Variants in BPTF observed in about 807,000 individuals in gnomAD.
BPTF encodes the protein bromodomain PHD finger transcription factor, also known as nucleosome-remodeling factor subunit BPTF.
BPTF carries 18 observed loss-of-function variants against 292.5 expected under a neutral mutation model. The observed-to-expected ratio is 0.06, with a 90% CI of 0.04 to 0.09. The LOEUF (loss-of-function observed/expected upper bound fraction) is 0.09. Among genes scored for constraint, BPTF ranks in the 10% least tolerant of loss-of-function variants. BPTF has a pLI of 1.00. For missense variants in BPTF, 2,726 were observed against 3,498.7 expected (o/e 0.78, Z 5.57); for synonymous variants, 1,225 against 1,251.9 (o/e 0.98, Z 0.45).
chr17:67,972,415 T>C (rs2068864377), intron 26 of BPTF, among the ~76,000 whole-genome samples: 1 of 152,076 alleles, frequency 6.6e-6, no homozygotes, highest in Non-Finnish European at 1.5e-5. Flanking sequence ...AATTTCTGTA[T>C]TTTTAGTAGA....
At chr17:67,826,416 A>G (rs2056040624) in intron 1 of BPTF, 79 bp downstream of exon 1, 6 of 1,394,902 alleles carry the variant, frequency 4.3e-6, no homozygotes, top group Non-Finnish European at 5.7e-6. Flanking sequence ...TGTGCTGTGC[A>G]TCCTGCTCCG....
chr17:67,947,836 T>C, intron 22 of BPTF, 28 bp downstream of exon 22: 2 of 1,538,684 alleles, frequency 1.3e-6, no homozygotes, highest in Non-Finnish European at 8.8e-7. Flanking sequence ...TCTTGTTGTC[T>C]GTCCGTCTCT....
chr17:67,846,380 T>C (rs1372089489), intron 1 of BPTF, among the ~76,000 whole-genome samples: 1 of 152,170 alleles, frequency 6.6e-6, no homozygotes. Context: ...TATTGTGTGG[T>C]AGTCCCTAGA....
chr17:67,878,691 TGTG>T (rs1275707649), intron 4 of BPTF, among the ~76,000 whole-genome samples: 4 of 152,100 alleles, frequency 2.6e-5, no homozygotes, highest in Non-Finnish European at 5.9e-5. Flanking sequence ...CGTGTGTGTG[TGTG>T]TGTGTGTGTC....
intron 26 of BPTF, chr17:67,973,955 T>G (rs988090897): frequency 6.6e-6 from 1 of 152,108 alleles, no homozygotes; most frequent in Non-Finnish European, 1.5e-5. Context: ...TGCCACACTT[T>G]TCATTACCAC....
chr17:67,976,020 G>A lies in BPTF; in HGVS notation c.8726+62G>A, dbSNP rs1260907349. Reference sequence around the variant, plus strand: ...CTCTTCACACTCTTTATACTATTCTGTCTAACGATTCAACCAGTGCAGTTT... The same window carrying A: ...CTCTTCACACTCTTTATACTATTCTATCTAACGATTCAACCAGTGCAGTTT... On this transcript the variant is annotated intron_variant, in intron 27 of 27. Transcript: ENST00000306378. 12 of 1,332,350 alleles carry A rather than the reference G, an allele frequency of 9.0e-6. No homozygotes were observed. The Admixed American group carries it at 1.2e-4, about 13-fold the overall frequency. 82.5% of individuals were successfully genotyped at this position (1,332,350 alleles called of 1,614,324 possible). A position where few individuals can be genotyped will look rare whatever the true frequency, so the allele number is the denominator to read the frequency against.
intron 2 of BPTF, among the ~76,000 whole-genome samples, chr17:67,857,499 TTGTC>T: frequency 6.6e-6 from 1 of 150,632 alleles, no homozygotes; most frequent in Admixed American, 6.6e-5. Context: ...AGATCTCCCT[TTGTC>T]ACCCAGGCTC....
At chr17:67,861,796 A>T (rs1294230917) in intron 2 of BPTF, among the ~76,000 whole-genome samples, 1 of 152,330 alleles carries the variant, frequency 6.6e-6, no homozygotes, top group East Asian at 1.9e-4. Context: ...CAACATAAAT[A>T]AAAAGCAAAC....
intron 11 of BPTF, among the ~76,000 whole-genome samples, chr17:67,917,336 G>A (rs1053785441): frequency 6.6e-6 from 1 of 151,762 alleles, no homozygotes; most frequent in Non-Finnish European, 1.5e-5. Context: ...TGTTGGCCAG[G>A]CTGGTCTCAA....
chr17:67,948,558 GA>G (rs2065984776), intron 23 of BPTF, among the ~76,000 whole-genome samples: 2 of 152,152 alleles, frequency 1.3e-5, no homozygotes, highest in East Asian at 1.9e-4. Flanking sequence ...TTGAATTGTT[GA>G]AAAACTCTGA....
chr17:67,869,130 T>G (rs1202046448), intron 3 of BPTF, among the ~76,000 whole-genome samples: 1 of 152,228 alleles, frequency 6.6e-6, no homozygotes, highest in Non-Finnish European at 1.5e-5. Flanking sequence ...TAATTTCCTT[T>G]TATGAATCAT....
At chr17:67,949,682 G>C (rs77511919) in intron 23 of BPTF, among the ~76,000 whole-genome samples, 164 of 7,022 alleles carry the variant, frequency 0.023, no homozygotes, top group Middle Eastern at 0.5. Flanking sequence ...TATACACACA[G>C]ACATACATAT....
Position 67,911,062 on chromosome 17 carries a change from C to T in BPTF, c.3178C>T (p.Leu1060=), listed in dbSNP as rs1326235842. The change falls in exon 11 of 28, where the codon CTA becomes TTA. Residue 1060 remains leucine (L), a synonymous_variant. Coordinates refer to ENST00000306378, the MANE Select transcript of BPTF (RefSeq NM_182641.4). ...SYKKKTKSSK[L]DGLLERRIKQ... ...CAAAAAGAAAACAAAATCATCCAAA[C>T]TAGATGGACTTCTTGAAAGGAGAAT... The T allele has an allele frequency of 1.2e-6, 2 of 1,613,828 alleles. No individual in the cohort carries two copies. Among genetic ancestry groups the T allele is most frequent in the Non-Finnish European group, 1.7e-6 (2 of 1,179,916 alleles).
chr17:67,910,455 T>A (rs913072294), intron 10 of BPTF, among the ~76,000 whole-genome samples: 12 of 151,550 alleles, frequency 7.9e-5, no homozygotes, highest in South Asian at 2.1e-4. Flanking sequence ...AAGTCATTTT[T>A]AAAAAAAAAC....
At chr17:67,826,432 C>T (rs2056042212) in intron 1 of BPTF, 95 bp downstream of exon 1, 2 of 1,291,448 alleles carry the variant, frequency 1.5e-6, no homozygotes, top group Non-Finnish European at 2.0e-6. Flanking sequence ...CTCCGATCTC[C>T]CCCCAACCCC....
chr17:67,945,198 G>A (rs1164693930), intron 20 of BPTF, among the ~76,000 whole-genome samples: 1 of 151,946 alleles, frequency 6.6e-6, no homozygotes, highest in Non-Finnish European at 1.5e-5. Context: ...ACTATGCTCA[G>A]ATAATTTTTT....
Position 67,959,658 on chromosome 17 carries a change from G to GCCCCCCCCCC in BPTF, c.8048_8049insCCCCCCCCCC (p.Ser2686ProfsTer55). On this transcript the variant is annotated frameshift_variant, in exon 24 of 28. Transcript: ENST00000306378. LOFTEE classifies it high-confidence loss of function. Reference sequence around the variant, plus strand: ...GACACCAGCTCCTCCAGCCCCTCCAGCCCCTCCACCTTCACCTCCCCCTCC... The same window carrying GCCCCCCCCCC: ...GACACCAGCTCCTCCAGCCCCTCCAGCCCCCCCCCCCCCCTCCACCTTCACCTCCCCCTCC... The GCCCCCCCCCC allele has an allele frequency of 6.3e-7, 1 of 1,595,104 alleles. No homozygotes were observed. Among genetic ancestry groups the GCCCCCCCCCC allele is most frequent in the Admixed American group, 1.7e-5 (1 of 57,566 alleles).
Position 67,944,254 on chromosome 17 carries a change from G to A in BPTF, c.6582G>A (p.Gln2194=), listed in dbSNP as rs147465771. The change falls in exon 20 of 28, where the codon CAG becomes CAA. Residue 2194 remains glutamine (Q), a synonymous_variant. Coordinates refer to ENST00000306378, the MANE Select transcript of BPTF (RefSeq NM_182641.4). The part of the protein sequence containing the change: ...QGVTVLPGPG[Q]QLMQAAMPNG... ...TGACTGTACTCCCAGGCCCAGGCCA[G>A]CAGCTAATGCAAGCTGCAATGCCAA... The A allele has an allele frequency of 3.1e-6, 5 of 1,614,050 alleles. No homozygotes were observed. The highest frequency in any genetic ancestry group is 3.3e-5 in the Admixed American group (2 of 59,998).
intron 7 of BPTF, among the ~76,000 whole-genome samples, chr17:67,898,704 TG>T (rs2061616670): frequency 6.6e-6 from 1 of 151,240 alleles, no homozygotes; most frequent in Non-Finnish European, 1.5e-5. Flanking sequence ...CAAATTATTA[TG>T]CCTTTTGGTG....
Sources: allele counts gnomAD v4.1 joint callset (sites outside exome capture counted in the v4.1 genomes callset), GRCh38; gene constraint gnomAD v4.1.1; transcripts MANE v1.5; gene names NCBI Gene and HGNC (gene_info 2026-07-23, HGNC 2026-07-21).